Variants in NUP205 observed in about 807,000 individuals in gnomAD.
The protein encoded by NUP205 is nuclear pore complex protein Nup205.
A neutral mutation model predicts 253.8 loss-of-function variants in NUP205; 76 were observed. The observed-to-expected ratio is 0.30, with a 90% confidence interval of 0.25 to 0.36. The LOEUF is 0.36. Ranked by LOEUF, NUP205 falls within the 10% of genes least tolerant of loss-of-function variation. The pLI is 1.00. For synonymous variants in NUP205, 832 were observed against 850.1 expected, an observed-to-expected ratio of 0.98 and a Z score of 0.37; for missense variants, 2,162 against 2,425.5, an observed-to-expected ratio of 0.89 and a Z score of 2.28.
chr7:135,603,982 A>G (rs1046143891), intron 18 of NUP205, among the ~76,000 whole-genome samples: 1 of 152,154 alleles, frequency 6.6e-6, no homozygotes, highest in Non-Finnish European at 1.5e-5. Flanking sequence ...TCAGCGTCAC[A>G]TGGCAGTTTC....
intron 32 of NUP205, 135 bp downstream of exon 32, chr7:135,625,490 A>T: frequency 1.5e-6 from 1 of 673,460 alleles, no homozygotes; most frequent in Admixed American, 3.5e-5. Flanking sequence ...AAGGAGTTTT[A>T]AACTTTGGAA....
intron 13 of NUP205, among the ~76,000 whole-genome samples, chr7:135,595,227 T>G (rs186303383): frequency 2.0e-5 from 3 of 149,736 alleles, no homozygotes; most frequent in African/African-American, 2.4e-5. Context: ...TGATTTTTGT[T>G]TTTTTTTTTT....
chr7:135,618,689 T>G, intron 28 of NUP205, 86 bp downstream of exon 28: 1 of 1,189,568 alleles, frequency 8.4e-7, no homozygotes, highest in Non-Finnish European at 1.2e-6. Flanking sequence ...TGTTTTCCAT[T>G]TTCGATTGGG....
At chr7:135,622,957 A>T in intron 31 of NUP205, 32 bp downstream of exon 31, 2 of 1,605,300 alleles carry the variant, frequency 1.2e-6, no homozygotes, top group East Asian at 2.2e-5. Context: ...ATTATAATTG[A>T]ATAAGTATTT....
chr7:135,570,052 T>TATATAGAGAGAG (rs1284263475), intron 1 of NUP205, among the ~76,000 whole-genome samples: 7 of 79,184 alleles, frequency 8.8e-5, no homozygotes, highest in African/African-American at 3.7e-4. Flanking sequence ...TATATATATA[T>TATATAGAGAGAG]AGAGAGAGAG....
chr7:135,638,166 T>C, intron 37 of NUP205, 107 bp downstream of exon 37: 1 of 1,210,688 alleles, frequency 8.3e-7, no homozygotes, highest in East Asian at 2.5e-5. Flanking sequence ...TCCCAGCACT[T>C]TGGGAGGCCA....
chr7:135,566,298 G>A (rs935341056), intron 1 of NUP205, among the ~76,000 whole-genome samples: 3 of 151,834 alleles, frequency 2.0e-5, no homozygotes, highest in Non-Finnish European at 2.9e-5. Context: ...TAGTAGAGAC[G>A]GAGTTTCATC....
intron 4 of NUP205, 150 bp downstream of exon 4, chr7:135,576,564 C>A (rs1349962854): frequency 2.8e-6 from 2 of 703,890 alleles, no homozygotes; most frequent in African/African-American, 3.6e-5. Context: ...ACAATTTAAA[C>A]CTGTTTTATT....
intron 13 of NUP205, among the ~76,000 whole-genome samples, chr7:135,596,232 C>A (rs1255679911): frequency 1.3e-5 from 2 of 152,208 alleles, no homozygotes; most frequent in African/African-American, 4.8e-5. Context: ...CCACGCCCAG[C>A]CAGAAGCAAC....
intron 11 of NUP205, among the ~76,000 whole-genome samples, chr7:135,592,182 T>C (rs1450743493): frequency 2.6e-5 from 4 of 152,218 alleles, no homozygotes; most frequent in African/African-American, 7.2e-5. Context: ...TCGGCTTGGC[T>C]CCAAAGCCAG....
intron 4 of NUP205, 65 bp downstream of exon 4, chr7:135,576,479 C>T: frequency 7.2e-7 from 1 of 1,397,028 alleles, no homozygotes; most frequent in Non-Finnish European, 1.0e-6. Flanking sequence ...CAATATTTCC[C>T]TTATTATATA....
rs752515878 is a variant in NUP205 at position 135,619,838 on chromosome 7, A to T, written c.4280A>T (p.Tyr1427Phe). The T allele has an allele frequency of 2.5e-6, 4 of 1,613,770 alleles. No individual in the cohort carries two copies. In the African/African-American group the frequency reaches 5.3e-5, roughly 22 times the overall value. ...VRTHLYGSLL[Y>F]YLQIAQRPDE... is the part of the protein sequence containing the mutation. Reference sequence around the variant, plus strand: ...ACTCACTTGTATGGCTCTCTGCTTTATTACTTACAGATTGCCCAGAGACCT... The same window carrying T: ...ACTCACTTGTATGGCTCTCTGCTTTTTTACTTACAGATTGCCCAGAGACCT... The change falls in exon 30 of 43, where the codon TAT becomes TTT. Residue 1427 changes from tyrosine (Y) to phenylalanine (F), a missense_variant. Transcript: ENST00000285968.
chr7:135,597,368 A>T lies in NUP205; in HGVS notation c.2014A>T (p.Ile672Leu). 1 of 1,608,496 alleles carries T rather than the reference A, an allele frequency of 6.2e-7. No individual in the cohort carries two copies. Among genetic ancestry groups the T allele is most frequent in the Non-Finnish European group, 8.5e-7 (1 of 1,175,046 alleles). ...SLWQSLEYTQ[I>L]LQTVRIPSQR... ...GACATCTACTTCTTACTATTTTAAG[A>T]TACTGCAGACCGTGAGGATTCCAAG... The change falls in exon 14 of 43, where the codon ATA becomes TTA. Residue 672 changes from isoleucine (I) to leucine (L), a missense_variant and splice_region_variant. Ile to Leu is a conservative substitution (Grantham distance 5, BLOSUM62 2). Around this residue, in one of 5 missense-constraint regions of NUP205, gnomAD observed 892 missense variants for 957.1 expected, o/e 0.93. Coordinates refer to ENST00000285968, the MANE Select transcript of NUP205 (RefSeq NM_015135.3).
rs1584690923 is a variant in NUP205 at position 135,637,268 on chromosome 7, G to C, written c.5137-663G>C. Among the ~76,000 whole-genome samples, 10 of 152,284 alleles carry C rather than the reference G, an allele frequency of 6.6e-5. 3 individuals are homozygous for C. The highest frequency in any genetic ancestry group is 6.5e-4 in the Admixed American group (10 of 15,298). The stretch of plus-strand genomic sequence containing the variant: ...CAGGCGTGAGAAATTCCAGGTCACA[G>C]AGCAAAAAGTTGTACCTGTTATTGG... On this transcript the variant is annotated intron_variant, in intron 36 of 42. Coordinates refer to ENST00000285968, the MANE Select transcript of NUP205 (RefSeq NM_015135.3).
At chr7:135,567,180 A>T in intron 1 of NUP205, among the ~76,000 whole-genome samples, 2 of 110,606 alleles carry the variant, frequency 1.8e-5, no homozygotes, top group East Asian at 2.9e-4. Flanking sequence ...ATATATATAT[A>T]TGTATATATG....
intron 18 of NUP205, among the ~76,000 whole-genome samples, chr7:135,604,035 A>G (rs1447330921): frequency 1.3e-5 from 2 of 152,154 alleles, no homozygotes; most frequent in Non-Finnish European, 2.9e-5. Flanking sequence ...TTTTATGAGG[A>G]CACCAGTCAT....
intron 31 of NUP205, 122 bp from the exon 32 acceptor site, chr7:135,625,042 G>A: frequency 3.6e-6 from 3 of 837,330 alleles, no homozygotes; most frequent in Non-Finnish European, 3.7e-6. Context: ...TTTGTTGCAA[G>A]TAACATTCTC....
rs943304456 is a variant in NUP205, at chr7:135,618,353, G to A, written c.3772-59G>A. The stretch of plus-strand genomic sequence containing the variant: ...CCAAATAAATATTTTCTGAGTAACT[G>A]ACAGATAACTGATCTTATTTGCCTG... On this transcript the variant is annotated intron_variant, in intron 27 of 42. Coordinates refer to ENST00000285968, the MANE Select transcript of NUP205 (RefSeq NM_015135.3). 7.0e-5 allele frequency: 98 copies of A among 1,400,008 alleles called. 3 individuals are homozygous for A. In the South Asian group the frequency reaches 1.1e-3, roughly 15 times the overall value. 86.7% of individuals were successfully genotyped at this position (1,400,008 alleles called of 1,614,324 possible). A position where few individuals can be genotyped will look rare whatever the true frequency, so the allele number is the denominator to read the frequency against.
In NUP205 at chr7:135,618,238, A is replaced by G. The variant is rs190306580; in HGVS notation, c.3772-174A>G. ...ACCTTTCATGCACATACACACACAT[A>G]CACACCTTATATGTTAATATTTTTT... is the stretch of plus-strand genomic sequence containing the variant. On this transcript the variant is annotated intron_variant, in intron 27 of 42. Coordinates refer to ENST00000285968, the MANE Select transcript of NUP205 (RefSeq NM_015135.3). 7.7e-4 allele frequency among the ~76,000 whole-genome samples: 117 copies of G among 152,326 alleles called. 3 individuals carry two copies. The highest frequency in any genetic ancestry group is 7.5e-3 in the Admixed American group (115 of 15,302).
Sources: gnomAD v4.1 joint callset for allele counts (sites outside exome capture counted in the v4.1 genomes callset) on GRCh38, gnomAD v4.1.1 for gene constraint, gnomAD v4.1.1 regional missense constraint, MANE v1.5 for transcripts, NCBI Gene and HGNC (gene_info 2026-07-23, HGNC 2026-07-21) for gene names.